Variants in SLC16A13 observed in about 807,000 individuals in gnomAD.
The protein encoded by SLC16A13 is monocarboxylate transporter 13.
In SLC16A13, 28 loss-of-function variants were observed where a neutral mutation model predicts 28.1. The observed-to-expected ratio is 1.00, with a 90% CI of 0.74 to 1.37. SLC16A13 has a LOEUF of 1.37. SLC16A13 is among the 40% of genes most tolerant of loss of function. The pLI, the probability that SLC16A13 is intolerant of heterozygous loss-of-function variation, is 0.00. For missense variants in SLC16A13, 482 were observed against 531.8 expected (o/e 0.91, Z 0.92); for synonymous variants, 228 against 241.6 (o/e 0.94, Z 0.52).
chr17:7,039,937 C>A lies in SLC16A13; in HGVS notation c.1256C>A (p.Pro419His). The A allele has an allele frequency of 6.2e-7, 1 of 1,613,926 alleles. No individual in the cohort carries two copies. Among genetic ancestry groups the A allele is most frequent in the South Asian group, 1.1e-5 (1 of 91,066 alleles). Residue 419 changes from proline (P) to histidine (H), a missense_variant, in exon 4 of 4, where the codon CCC (proline) becomes CAC (histidine). Pro to His is a moderately conservative substitution (Grantham distance 77). Transcript: ENST00000308027. This position sits in a 1 kb window ranked among gnomAD's most constrained non-coding sequence, Gnocchi z 4.3. ...GCACTAGATACTAAAGTTCCCCTAC[C>A]CAAGGAGGGGCTGGAAGAGGACTGA... ...TEALDTKVPL[P>H]KEGLEED
intron 2 of SLC16A13, chr17:7,037,181 C>G (rs1910604438): frequency 5.1e-6 from 1 of 195,674 alleles, no homozygotes; most frequent in Admixed American, 5.8e-5. Context: ...GAAACCCCGT[C>G]TCTACAAAAA....
Position 7,038,712 on chromosome 17 carries a change from C to A in SLC16A13, c.904C>A (p.Gln302Lys). The change falls in exon 3 of 4, where the codon CAG (glutamine) becomes AAG (lysine). Residue 302 changes from glutamine to lysine, a missense_variant. Gln to Lys is a moderately conservative substitution (Grantham distance 53, BLOSUM62 1). Coordinates refer to ENST00000308027, the MANE Select transcript of SLC16A13 (RefSeq NM_201566.3). The surrounding 1 kb of genome is among the most constrained non-coding windows in gnomAD (Gnocchi z 5.7). Reference sequence around the variant, plus strand: ...GTCACTAGCCCTGTTCCCTGTAGCTCAGGCTCCCACAGCCCTGGTGGCTCT... The same window carrying A: ...GTCACTAGCCCTGTTCCCTGTAGCTAAGGCTCCCACAGCCCTGGTGGCTCT... ...GVSLALFPVA[Q>K]APTALVALAV... is the part of the protein sequence containing the mutation. 1 of 1,614,206 alleles carries A rather than the reference C, an allele frequency of 6.2e-7. No individual in the cohort carries two copies. The highest frequency in any genetic ancestry group is 8.5e-7 in the Non-Finnish European group (1 of 1,180,036).
intron 2 of SLC16A13, 113 bp downstream of exon 2, chr17:7,036,983 A>T (rs1910598700): frequency 7.9e-7 from 1 of 1,273,296 alleles, no homozygotes; most frequent in African/African-American, 1.5e-5. Flanking sequence ...TTTAGCTAGC[A>T]CCTGTACCCA....
chr17:7,036,715 C>T lies in SLC16A13; in HGVS notation c.200-12C>T. 3 of 1,611,432 alleles carry T rather than the reference C, an allele frequency of 1.9e-6. No individual in the cohort carries two copies. The highest frequency in any genetic ancestry group is 1.3e-5 in the African/African-American group (1 of 75,064). ...CTGAGATCTTCTCGCAGCGCCCCTT[C>T]CACTTCCTCAGGCCCGGTAGGCAGT... On this transcript the variant is annotated splice_polypyrimidine_tract_variant and intron_variant, in intron 1 of 3. Transcript: ENST00000308027.
In SLC16A13 at chr17:7,039,438, C is replaced by G. The variant is rs564013151; in HGVS notation, c.1082-325C>G. Among the ~76,000 whole-genome samples the G allele has an allele frequency of 6.9e-6, 1 of 145,754 alleles. No homozygotes were observed. The highest frequency in any genetic ancestry group is 2.6e-5 in the African/African-American group (1 of 38,750). Reference sequence around the variant, plus strand: ...TCGCGCCACTGCACTTCAGCCTGGGCGACAGAGCGAGACTCCGTCTCAAAA... The same window carrying G: ...TCGCGCCACTGCACTTCAGCCTGGGGGACAGAGCGAGACTCCGTCTCAAAA... On this transcript the variant is annotated intron_variant, in intron 3 of 3. Coordinates refer to ENST00000308027, the MANE Select transcript of SLC16A13 (RefSeq NM_201566.3). This position sits in a 1 kb window ranked among gnomAD's most constrained non-coding sequence, Gnocchi z 4.3.
chr17:7,036,685 G>C, intron 1 of SLC16A13, 42 bp from the exon 2 acceptor site: 2 of 1,607,112 alleles, frequency 1.2e-6, no homozygotes, highest in Non-Finnish European at 1.7e-6. Flanking sequence ...CTGGGGGGGA[G>C]ACCCCTGAGA....
chr17:7,036,863 G>A lies in SLC16A13; in HGVS notation c.336G>A (p.Leu112=). The A allele has an allele frequency of 6.2e-7, 1 of 1,612,444 alleles. No individual in the cohort carries two copies. The highest frequency in any genetic ancestry group is 8.5e-7 in the Non-Finnish European group (1 of 1,179,994). ...CCCACCTATACCTGAGTATTGGGTT[G>A]CTGTCAGGTGAGAGCCTGCACAAGG... The part of the protein sequence containing the change: ...SLTHLYLSIG[L]LSGSGWALTF... Residue 112 remains leucine (L), a synonymous_variant, in exon 2 of 4, where the codon TTG becomes TTA. Coordinates refer to ENST00000308027, the MANE Select transcript of SLC16A13 (RefSeq NM_201566.3).
chr17:7,036,708 G>T lies in SLC16A13; in HGVS notation c.200-19G>T, dbSNP rs371021014. On this transcript the variant is annotated intron_variant, in intron 1 of 3. Transcript: ENST00000308027. ...GAGACCCCTGAGATCTTCTCGCAGCGCCCCTTCCACTTCCTCAGGCCCGGT... is the reference window on the plus strand; with the variant it reads ...GAGACCCCTGAGATCTTCTCGCAGCTCCCCTTCCACTTCCTCAGGCCCGGT... 1.4e-5 allele frequency: 22 copies of T among 1,610,210 alleles called. No individual in the cohort carries two copies. In the African/African-American group the frequency reaches 1.7e-4, roughly 13 times the overall value.
chr17:7,038,389 T>C lies in SLC16A13; in HGVS notation c.581T>C (p.Leu194Pro), dbSNP rs866390260. 3.7e-6 allele frequency: 6 copies of C among 1,614,046 alleles called. No homozygotes were observed. The Admixed American group carries it at 6.7e-5, about 18-fold the overall frequency. Residue 194 changes from leucine (L) to proline (P), a missense_variant, in exon 3 of 4, where the codon CTG becomes CCG. By Grantham distance (98) the Leu-to-Pro change is moderately conservative (BLOSUM62 -3). Transcript: ENST00000308027. The surrounding 1 kb of genome is among the most constrained non-coding windows in gnomAD (Gnocchi z 5.7). ...ACGALLRPPS[L>P]AEDPAVGGPR... ...GGTGCTCTCCTCCGCCCACCCTCCC[T>C]GGCTGAGGACCCTGCTGTGGGTGGT...
chr17:7,036,156 A>T lies in SLC16A13; in HGVS notation c.-227A>T. The T allele has an allele frequency of 6.1e-6, 3 of 489,148 alleles. No homozygotes were observed. Among genetic ancestry groups the T allele is most frequent in the Non-Finnish European group, 1.1e-5 (3 of 277,074 alleles). 30.3% of individuals were successfully genotyped at this position (489,148 alleles called of 1,614,324 possible). A position where few individuals can be genotyped will look rare whatever the true frequency, so the allele number is the denominator to read the frequency against. ...GCTCGCGGAACCACGCCCCCGGGAG[A>T]CTCTGGCCCGGCCAGCGCGGGCCAG... On this transcript the variant is annotated 5_prime_UTR_variant, in exon 1 of 4. Transcript: ENST00000308027.
chr17:7,037,540 C>A (rs543603936), intron 2 of SLC16A13, among the ~76,000 whole-genome samples: 102 of 151,874 alleles, frequency 6.7e-4, no homozygotes, highest in Middle Eastern at 3.4e-3. Context: ...TCCTGGCTAA[C>A]ACGGTGAAAT....
chr17:7,038,132 C>T lies in SLC16A13; in HGVS notation c.344-20C>T. 1 of 1,600,028 alleles carries T rather than the reference C, an allele frequency of 6.2e-7. No homozygotes were observed. The highest frequency in any genetic ancestry group is 8.5e-7 in the Non-Finnish European group (1 of 1,173,046). On this transcript the variant is annotated intron_variant, in intron 2 of 3. Transcript: ENST00000308027. This position sits in a 1 kb window ranked among gnomAD's most constrained non-coding sequence, Gnocchi z 5.7. ...TGAGCTCCCTAAGAGTTCTCAACAC[C>T]ACTTCTTCCTTTTTGACAGGCTCTG...
chr17:7,038,435 TCTC>T lies in SLC16A13; in HGVS notation c.632_634del (p.Leu211del). The T allele has an allele frequency of 1.2e-6, 2 of 1,613,924 alleles. No homozygotes were observed. Among genetic ancestry groups the T allele is most frequent in the Non-Finnish European group, 1.7e-6 (2 of 1,179,898 alleles). ...GTGGTCCCAGGGCCCAACTCACCTC[TCTC>T]CTCCATCATGGCCCCTTCCTCCGTT... On this transcript the variant is annotated inframe_deletion, in exon 3 of 4. Transcript: ENST00000308027. This position sits in a 1 kb window ranked among gnomAD's most constrained non-coding sequence, Gnocchi z 5.7.
In SLC16A13 at chr17:7,036,196, A is replaced by C; in HGVS notation, c.-187A>C. The C allele has an allele frequency of 1.6e-6, 1 of 610,710 alleles. No individual in the cohort carries two copies. The highest frequency in any genetic ancestry group is 2.8e-6 in the Non-Finnish European group (1 of 351,470). 37.8% of individuals were successfully genotyped at this position (610,710 alleles called of 1,614,324 possible). A position where few individuals can be genotyped will look rare whatever the true frequency, so the allele number is the denominator to read the frequency against. On this transcript the variant is annotated 5_prime_UTR_variant, in exon 1 of 4. Transcript: ENST00000308027. ...GCGCGGGCCAGGTCTTCAGTCCTATATCGCCCCGCCTTGGGAAAAGGTGCA... is the reference window on the plus strand; with the variant it reads ...GCGCGGGCCAGGTCTTCAGTCCTATCTCGCCCCGCCTTGGGAAAAGGTGCA...
Position 7,039,316 on chromosome 17 carries a change from G to A in SLC16A13, c.1081+427G>A, listed in dbSNP as rs1162670563. Among the ~76,000 whole-genome samples the A allele has an allele frequency of 1.3e-5, 2 of 152,118 alleles. No homozygotes were observed. Among genetic ancestry groups the A allele is most frequent in the African/African-American group, 2.4e-5 (1 of 41,422 alleles). ...TACCCATTAACTGAAGCTTTAGAAA[G>A]GCCACAGTTGGTGGGCGCCTGTAGT... is the stretch of plus-strand genomic sequence containing the variant. On this transcript the variant is annotated intron_variant, in intron 3 of 3. Transcript: ENST00000308027. This position sits in a 1 kb window ranked among gnomAD's most constrained non-coding sequence, Gnocchi z 4.3.
In SLC16A13 at chr17:7,038,801, A is replaced by G; in HGVS notation, c.993A>G (p.Glu331=). The G allele has an allele frequency of 1.2e-6, 2 of 1,613,952 alleles. No homozygotes were observed. The highest frequency in any genetic ancestry group is 2.2e-5 in the East Asian group (1 of 44,872). Residue 331 remains glutamate (E), a synonymous_variant, in exon 3 of 4, where the codon GAA becomes GAG. Transcript: ENST00000308027. This position sits in a 1 kb window ranked among gnomAD's most constrained non-coding sequence, Gnocchi z 5.7. ...CACTGGCCTTCTCCGTGCTGCCTGA[A>G]CTAATAGGGACTAGAAGGATTTACT... The part of the protein sequence containing the change: ...LAPLAFSVLP[E]LIGTRRIYCG...
rs1003263735 is a variant in SLC16A13, at chr17:7,036,555, T to C, written c.173T>C (p.Ile58Thr). ...QAARVSWIAS[I>T]GIAVQQFGSP... ...GCGCGCGTCTCCTGGATCGCCTCCA[T>C]AGGAATCGCGGTGCAGCAGTTTGGG... Residue 58 changes from isoleucine (I) to threonine (T), a missense_variant, in exon 1 of 4, where the codon ATA becomes ACA. Ile to Thr is a moderately conservative substitution (Grantham distance 89). Coordinates refer to ENST00000308027, the MANE Select transcript of SLC16A13 (RefSeq NM_201566.3). 1.2e-6 allele frequency: 2 copies of C among 1,612,168 alleles called. No homozygotes were observed. The highest frequency in any genetic ancestry group is 2.7e-5 in the African/African-American group (2 of 74,852).
Position 7,036,078 on chromosome 17 carries a change from C to G in SLC16A13, c.-305C>G, listed in dbSNP as rs1910571339. The G allele has an allele frequency of 1.7e-5, 5 of 301,870 alleles. No individual in the cohort carries two copies. In the South Asian group the frequency reaches 3.6e-4, roughly 22 times the overall value. 18.7% of individuals were successfully genotyped at this position (301,870 alleles called of 1,614,324 possible). On this transcript the variant is annotated 5_prime_UTR_variant, in exon 1 of 4. Transcript: ENST00000308027. ...TCAGTTCCACCCTCTGGCTCCCAGC[C>G]GAACACCGAACCGGGACCGATCCGG...
In SLC16A13 at chr17:7,036,709, C is replaced by A. The variant is rs1482272455; in HGVS notation, c.200-18C>A. ...AGACCCCTGAGATCTTCTCGCAGCG[C>A]CCCTTCCACTTCCTCAGGCCCGGTA... On this transcript the variant is annotated intron_variant, in intron 1 of 3. Coordinates refer to ENST00000308027, the MANE Select transcript of SLC16A13 (RefSeq NM_201566.3). 1.9e-6 allele frequency: 3 copies of A among 1,610,778 alleles called. No individual in the cohort carries two copies. The highest frequency in any genetic ancestry group is 8.5e-7 in the Non-Finnish European group (1 of 1,179,666).
Sources: allele counts gnomAD v4.1 joint callset (sites outside exome capture counted in the v4.1 genomes callset), GRCh38; gene constraint gnomAD v4.1.1; non-coding constraint Gnocchi (gnomAD v3.1); transcripts MANE v1.5; gene names NCBI Gene and HGNC (gene_info 2026-07-23, HGNC 2026-07-21).